Variants in MGAM2 observed in about 807,000 individuals in gnomAD.
The protein encoded by MGAM2 is probable maltase-glucoamylase 2.
Under a neutral mutation model 96.1 loss-of-function variants are expected in MGAM2, and 98 were observed. That is an observed-to-expected ratio of 1.02 (90% confidence interval 0.87 to 1.21). The LOEUF (loss-of-function observed/expected upper bound fraction) is 1.21, where lower values mean the gene tolerates loss of function less well. Among genes scored for constraint, MGAM2 ranks in the 50% most tolerant of loss-of-function variants. MGAM2 has a pLI of 0.00. For missense variants in MGAM2, 2,055 were observed against 1,182.4 expected, an observed-to-expected ratio of 1.74 and a Z score of -10.82; for synonymous variants, 749 against 414.8, an observed-to-expected ratio of 1.81 and a Z score of -9.79.
At position 142,208,687 on chromosome 7, in the gene MGAM2, T is replaced by TAA. The variant is rs1295522978; in HGVS notation, c.5187+66_5187+67dup. On this transcript the variant is annotated intron_variant, in intron 46 of 47. Transcript: ENST00000477922. ...GTGTCTACAGATTAAACATTACAGTTAACTGCGTAAATGTAATATCCCACA... is the reference window on the plus strand; with the variant it reads ...GTGTCTACAGATTAAACATTACAGTTAAAACTGCGTAAATGTAATATCCCACA... 3 of 683,198 alleles carry TAA rather than the reference T, an allele frequency of 4.4e-6. No individual in the cohort carries two copies. In the African/African-American group the frequency reaches 5.3e-5, roughly 12 times the overall value. The allele number at this position is 683,198 out of a possible 1,614,324, so 42.3% of individuals were successfully genotyped here.
At chr7:142,175,011 G>T (rs918545943) in intron 31 of MGAM2, among the ~76,000 whole-genome samples, 8 of 152,120 alleles carry the variant, frequency 5.3e-5, no homozygotes, top group South Asian at 2.1e-4. Flanking sequence ...GAGCCACCGT[G>T]CCTAGCCCGT....
intron 14 of MGAM2, among the ~76,000 whole-genome samples, chr7:142,146,814 G>A (rs12672838): frequency 2.0e-5 from 3 of 150,366 alleles, no homozygotes; most frequent in African/African-American, 4.9e-5. Flanking sequence ...TGCCACCTCC[G>A]CCTCCCGGGC....
Position 142,221,641 on chromosome 7 carries a change from T to A in MGAM2, c.7130T>A (p.Ile2377Lys), listed in dbSNP as rs1000106551. 4 of 459,208 alleles carry A rather than the reference T, an allele frequency of 8.7e-6. No individual in the cohort carries two copies. The highest frequency in any genetic ancestry group is 5.9e-5 in the African/African-American group (3 of 50,462). The allele number at this position is 459,208 out of a possible 1,614,324, so 28.4% of individuals were successfully genotyped here. Reference sequence around the variant, plus strand: ...AGTCCAGATACAACAGTTACTTCCATAGACAAATTCACCACACACATCACA... The same window carrying A: ...AGTCCAGATACAACAGTTACTTCCAAAGACAAATTCACCACACACATCACA... ...TMSPDTTVTS[I>K]DKFTTHITQF... Residue 2377 changes from isoleucine to lysine, a missense_variant, in exon 48 of 48, where the codon ATA becomes AAA. Physicochemically the swap from Ile to Lys is moderately radical, Grantham distance 102. Coordinates refer to ENST00000477922, the MANE Select transcript of MGAM2 (RefSeq NM_001293626.2).
At chr7:142,123,455 C>T (rs1794644417) in intron 3 of MGAM2, among the ~76,000 whole-genome samples, 1 of 152,170 alleles carries the variant, frequency 6.6e-6, no homozygotes, top group South Asian at 2.1e-4. Flanking sequence ...ATTTGCTCTA[C>T]ATCCTAATCA....
chr7:142,165,489 A>G (rs1156850462), intron 24 of MGAM2, among the ~76,000 whole-genome samples: 1 of 152,216 alleles, frequency 6.6e-6, no homozygotes, highest in Non-Finnish European at 1.5e-5. Flanking sequence ...ATTCCCTTAC[A>G]CTGTTAGTTG....
intron 33 of MGAM2, 75 bp from the exon 34 acceptor site, chr7:142,185,002 G>A: frequency 1.5e-6 from 1 of 674,108 alleles, no homozygotes; most frequent in Non-Finnish European, 2.7e-6. Flanking sequence ...TGTCATCAGA[G>A]TCTAACACAT....
In MGAM2 at chr7:142,220,886, T is replaced by C. The variant is rs1342654028; in HGVS notation, c.6375T>C (p.Ser2125=). Residue 2125 remains serine (S), a synonymous_variant, in exon 48 of 48, where the codon TCT becomes TCC. Coordinates refer to ENST00000477922, the MANE Select transcript of MGAM2 (RefSeq NM_001293626.2). ...CTGTACTTATTGCCACTACTTCTTC[T>C]CTAACAGGTACTACTGATGTTAGCA... ...STTVLIATTS[S]LTGTTDVSTS... 1.4e-6 allele frequency: 1 copy of C among 702,098 alleles called. No homozygotes were observed. The highest frequency in any genetic ancestry group is 2.0e-5 in the Admixed American group (1 of 49,888). 43.5% of individuals were successfully genotyped at this position (702,098 alleles called of 1,614,324 possible).
rs758923629 is a variant in MGAM2 at position 142,197,714 on chromosome 7, C to T, written c.4852C>T (p.Pro1618Ser). The change falls in exon 42 of 48, where the codon CCT becomes TCT. Residue 1618 changes from proline to serine, a missense_variant. Pro to Ser is a moderately conservative substitution (Grantham distance 74). Transcript: ENST00000477922. Reference protein sequence around the residue: ...FMLGPAILISPVLETSTFEIS... With the variant: ...FMLGPAILISSVLETSTFEIS... Reference sequence around the variant, plus strand: ...GTTGGGCCCTGCTATCTTAATCAGCCCTGTGTTGGAAACTGTGAGTTCTTC... The same window carrying T: ...GTTGGGCCCTGCTATCTTAATCAGCTCTGTGTTGGAAACTGTGAGTTCTTC... 2.8e-6 allele frequency: 2 copies of T among 702,766 alleles called. No homozygotes were observed. The allele number at this position is 702,766 out of a possible 1,614,324, so 43.5% of individuals were successfully genotyped here.
At chr7:142,153,038 C>T (rs920076325) in intron 15 of MGAM2, among the ~76,000 whole-genome samples, 1 of 148,764 alleles carries the variant, frequency 6.7e-6, no homozygotes, top group Admixed American at 6.7e-5. Context: ...CTCTGTCGCC[C>T]AGGCTGGAGT....
At chr7:142,149,992 A>G (rs942464575) in intron 15 of MGAM2, among the ~76,000 whole-genome samples, 4 of 150,634 alleles carry the variant, frequency 2.7e-5, no homozygotes, top group Non-Finnish European at 5.9e-5. Context: ...CCCAGGCTGG[A>G]GTGCAATGGC....
At chr7:142,194,533 C>CTG (rs1563287686) in intron 37 of MGAM2, among the ~76,000 whole-genome samples, 82 of 152,080 alleles carry the variant, frequency 5.4e-4, no homozygotes, top group African/African-American at 1.9e-3. Context: ...ACCCCCATTT[C>CTG]TTTATCACAC....
chr7:142,112,190 C>T (rs1817196427), intron 1 of MGAM2, among the ~76,000 whole-genome samples: 1 of 151,902 alleles, frequency 6.6e-6, no homozygotes, highest in Non-Finnish European at 1.5e-5. Context: ...GTGAATTCCT[C>T]CCAGCTTTGG....
intron 2 of MGAM2, among the ~76,000 whole-genome samples, chr7:142,119,829 T>C (rs999067038): frequency 5.9e-5 from 9 of 152,202 alleles, no homozygotes; most frequent in Non-Finnish European, 1.3e-4. Flanking sequence ...TGATTCTTTT[T>C]ATAGGAAATG....
chr7:142,123,250 G>A (rs895092707), intron 3 of MGAM2, among the ~76,000 whole-genome samples: 1 of 150,008 alleles, frequency 6.7e-6, no homozygotes, highest in Non-Finnish European at 1.5e-5. Context: ...TTTACAGCAC[G>A]ATTCAAAAAA....
intron 17 of MGAM2, among the ~76,000 whole-genome samples, chr7:142,155,755 C>G (rs1295898853): frequency 6.6e-6 from 1 of 152,130 alleles, no homozygotes; most frequent in Non-Finnish European, 1.5e-5. Context: ...ACTCAGATAA[C>G]CCAGGAAGCT....
intron 32 of MGAM2, among the ~76,000 whole-genome samples, chr7:142,177,918 A>G (rs1303728171): frequency 3.3e-5 from 5 of 152,150 alleles, no homozygotes; most frequent in Non-Finnish European, 7.4e-5. Flanking sequence ...TGGTAGATCA[A>G]TTCTTAGTTA....
At chr7:142,193,121 C>T (rs566755049) in intron 37 of MGAM2, among the ~76,000 whole-genome samples, 7 of 152,282 alleles carry the variant, frequency 4.6e-5, no homozygotes, top group Admixed American at 1.3e-4. Flanking sequence ...TGAAGGAACT[C>T]TTTCCATACA....
In MGAM2 at chr7:142,170,208, G is replaced by A. The variant is rs1238501646; in HGVS notation, c.3161G>A (p.Arg1054His). Residue 1054 changes from arginine (R) to histidine (H), a missense_variant, in exon 27 of 48, where the codon CGC becomes CAC. Physicochemically the swap from Arg to His is conservative, Grantham distance 29. Transcript: ENST00000477922. ...AATCCTTTTGGAATCCAGATTCAAC[G>A]CAAAAACTCCAGCACTGTGATGTAA... ...QNNPFGIQIQ[R>H]KNSSTVIWDS... is the part of the protein sequence containing the mutation. 6 of 702,318 alleles carry A rather than the reference G, an allele frequency of 8.5e-6. No homozygotes were observed. Among genetic ancestry groups the A allele is most frequent in the Admixed American group, 2.0e-5 (1 of 49,930 alleles). 43.5% of individuals were successfully genotyped at this position (702,318 alleles called of 1,614,324 possible). A position where few individuals can be genotyped will look rare whatever the true frequency, so the allele number is the denominator to read the frequency against.
chr7:142,158,156 A>G (rs1795791239), intron 18 of MGAM2, 65 bp downstream of exon 18: 2 of 700,062 alleles, frequency 2.9e-6, no homozygotes, highest in Admixed American at 4.0e-5. Flanking sequence ...TGTTTGTGGT[A>G]GCAAGGTTAG....
Sources: gnomAD v4.1 joint callset for allele counts (sites outside exome capture counted in the v4.1 genomes callset) on GRCh38, gnomAD v4.1.1 for gene constraint, MANE v1.5 for transcripts, NCBI Gene and HGNC (gene_info 2026-07-23, HGNC 2026-07-21) for gene names.